SNTG1: variants seen among roughly 807,000 people sequenced by gnomAD.
SNTG1 encodes the protein syntrophin gamma 1, also known as gamma-1-syntrophin.
SNTG1 carries 39 observed loss-of-function variants against 74.7 expected under a neutral mutation model. The observed-to-expected ratio is 0.52, with a 90% CI of 0.40 to 0.68. The LOEUF is 0.68. SNTG1 is among the 30% of genes least tolerant of loss of function. SNTG1 has a pLI of 0.00. For synonymous variants in SNTG1, 254 were observed against 217.1 expected, an observed-to-expected ratio of 1.17 and a Z score of -1.49; for missense variants, 685 against 609.5, an observed-to-expected ratio of 1.12 and a Z score of -1.30.
intron 1 of SNTG1, among the ~76,000 whole-genome samples, chr8:50,117,866 T>G (rs1011708209): frequency 1.3e-5 from 2 of 152,102 alleles, no homozygotes; most frequent in African/African-American, 4.8e-5. Flanking sequence ...AGGTTATGTT[T>G]GGTTTTGCTT....
chr8:50,696,970 A>T (rs2095407455), intron 15 of SNTG1, among the ~76,000 whole-genome samples: 1 of 152,016 alleles, frequency 6.6e-6, no homozygotes, highest in African/African-American at 2.4e-5. Context: ...TTATTTTCTA[A>T]TCTGTGAAAT....
intron 1 of SNTG1, among the ~76,000 whole-genome samples, chr8:50,119,107 C>T (rs968216807): frequency 7.1e-6 from 1 of 141,430 alleles, no homozygotes; most frequent in African/African-American, 2.6e-5. Flanking sequence ...AACAAAACAC[C>T]TCTGGAAGTA....
intron 2 of SNTG1, among the ~76,000 whole-genome samples, chr8:50,212,638 G>A (rs780331532): frequency 3.9e-5 from 6 of 151,998 alleles, no homozygotes; most frequent in Non-Finnish European, 7.4e-5. Context: ...CTATTACAAC[G>A]GGCCACAGTG....
chr8:49,957,649 A>ATT (rs1810296529), intron 1 of SNTG1, among the ~76,000 whole-genome samples: 1 of 152,200 alleles, frequency 6.6e-6, no homozygotes, highest in African/African-American at 2.4e-5. Flanking sequence ...AAAAACTGGA[A>ATT]TGTCATTCAG....
chr8:50,697,944 A>C (rs1508625), intron 15 of SNTG1, among the ~76,000 whole-genome samples: 143,224 of 152,186 alleles, frequency 0.94, 67,446 homozygotes, highest in East Asian at 1. Context: ...GTGATACAGG[A>C]TTTGTATAAT....
At chr8:49,922,308 TCTA>T (rs1806622547) in intron 1 of SNTG1, among the ~76,000 whole-genome samples, 3 of 152,130 alleles carry the variant, frequency 2.0e-5, no homozygotes, top group African/African-American at 7.2e-5. Flanking sequence ...GAGTGAATTA[TCTA>T]CTTTCTGGAG....
intron 15 of SNTG1, among the ~76,000 whole-genome samples, chr8:50,661,420 C>T (rs868451596): frequency 2.0e-5 from 3 of 152,120 alleles, no homozygotes; most frequent in Non-Finnish European, 2.9e-5. Flanking sequence ...TTAACTTATG[C>T]GGCCATCAGA....
intron 1 of SNTG1, among the ~76,000 whole-genome samples, chr8:50,168,532 C>T (rs1194033207): frequency 1.3e-5 from 2 of 152,060 alleles, no homozygotes; most frequent in Non-Finnish European, 2.9e-5. Flanking sequence ...AAAACCTTAA[C>T]ACATCCGTGT....
At chr8:50,205,770 A>T (rs1267689729) in intron 2 of SNTG1, among the ~76,000 whole-genome samples, 2 of 152,146 alleles carry the variant, frequency 1.3e-5, no homozygotes, top group African/African-American at 4.8e-5. Flanking sequence ...GGATCCACTT[A>T]CAGCTTTCTA....
At chr8:50,278,619 G>A (rs1470802646) in intron 2 of SNTG1, among the ~76,000 whole-genome samples, 1 of 151,910 alleles carries the variant, frequency 6.6e-6, no homozygotes, top group African/African-American at 2.4e-5. Context: ...TCAATCATAT[G>A]TTTAGGGGAA....
intron 13 of SNTG1, among the ~76,000 whole-genome samples, chr8:50,627,209 T>C (rs1414631499): frequency 6.6e-6 from 1 of 152,198 alleles, no homozygotes; most frequent in East Asian, 1.9e-4. Context: ...TTTTCTGTGA[T>C]TTTTTGTAGG....
intron 1 of SNTG1, among the ~76,000 whole-genome samples, chr8:49,991,593 GAGAATA>G (rs1813695691): frequency 6.6e-6 from 1 of 152,130 alleles, no homozygotes; most frequent in African/African-American, 2.4e-5. Context: ...AAGAATATTT[GAGAATA>G]AGAATAAGAA....
chr8:50,684,916 T>C lies in SNTG1; in HGVS notation c.1039-19684T>C, dbSNP rs2095346278. Among the ~76,000 whole-genome samples, 3 of 110,042 alleles carry C rather than the reference T, an allele frequency of 2.7e-5. No homozygotes were observed. The South Asian group carries it at 9.9e-4, about 36-fold the overall frequency. 72.2% of individuals were successfully genotyped at this position (110,042 alleles called of 152,430 possible). ...CCCCACCCCACCACAGTCCCCAGAG[T>C]GTGATATTCCCCTTCCTGTGTCCAT... On this transcript the variant is annotated intron_variant, in intron 15 of 18. Transcript: ENST00000642720.
chr8:50,180,204 A>T (rs1420251651), intron 2 of SNTG1, among the ~76,000 whole-genome samples: 1 of 152,190 alleles, frequency 6.6e-6, no homozygotes, highest in Non-Finnish European at 1.5e-5. Context: ...GTATTATTTC[A>T]CTTATATGTG....
chr8:50,229,592 A>G lies in SNTG1; in HGVS notation c.-28+56957A>G, dbSNP rs538656564. Among the ~76,000 whole-genome samples the G allele has an allele frequency of 1.2e-3, 177 of 151,690 alleles. 1 individual carries two copies. Among genetic ancestry groups the G allele is most frequent in the Non-Finnish European group, 2.2e-3 (151 of 67,564 alleles). On this transcript the variant is annotated intron_variant, in intron 2 of 18. Coordinates refer to ENST00000642720, the MANE Select transcript of SNTG1 (RefSeq NM_018967.5). ...AAAGAGAGTCAAAATTTGTGAGGCA[A>G]AACTTGATAGTTGTTAAAGATAAAA...
chr8:50,042,676 C>G (rs914887699), intron 1 of SNTG1, among the ~76,000 whole-genome samples: 1 of 152,064 alleles, frequency 6.6e-6, no homozygotes, highest in Non-Finnish European at 1.5e-5. Context: ...CCTAGCCCAG[C>G]CTCTCAAGTA....
At chr8:50,171,618 G>T (rs1232059328) in intron 1 of SNTG1, among the ~76,000 whole-genome samples, 3 of 152,158 alleles carry the variant, frequency 2.0e-5, no homozygotes, top group African/African-American at 4.8e-5. Context: ...ATCCAATTAA[G>T]TTGACACTGA....
intron 2 of SNTG1, among the ~76,000 whole-genome samples, chr8:50,178,972 G>T (rs1470976958): frequency 6.6e-6 from 1 of 152,124 alleles, no homozygotes; most frequent in Admixed American, 6.5e-5. Context: ...TACTGCTTCA[G>T]ATCTCATATT....
intron 13 of SNTG1, among the ~76,000 whole-genome samples, chr8:50,637,370 A>C (rs906090915): frequency 9.2e-5 from 14 of 152,214 alleles, no homozygotes; most frequent in Middle Eastern, 3.4e-3. Context: ...TGTCCCACGA[A>C]GTTAATTCAA....
Sources: gnomAD v4.1 joint callset for allele counts (sites outside exome capture counted in the v4.1 genomes callset) on GRCh38, gnomAD v4.1.1 for gene constraint, MANE v1.5 for transcripts, NCBI Gene and HGNC (gene_info 2026-07-23, HGNC 2026-07-21) for gene names.